The following HOXA3 variants were observed in gnomAD, a reference collection of about 807,000 sequenced individuals.
The protein encoded by HOXA3 is homeobox protein Hox-A3.
In HOXA3, 8 loss-of-function variants were observed where a neutral mutation model predicts 30.3. The observed-to-expected ratio is 0.26, with a 90% CI of 0.15 to 0.48. HOXA3 has a LOEUF of 0.48. HOXA3 is among the 20% of genes least tolerant of loss of function. The pLI, the probability that HOXA3 is intolerant of heterozygous loss-of-function variation, is 0.99. For synonymous variants in HOXA3, 323 were observed against 273.1 expected, an observed-to-expected ratio of 1.18 and a Z score of -1.80; for missense variants, 653 against 614.4, an observed-to-expected ratio of 1.06 and a Z score of -0.66.
At chr7:27,130,351 T>C in intron 2 of HOXA3, 5 of 1,126,364 alleles carry the variant, frequency 4.4e-6, no homozygotes, top group Non-Finnish European at 5.4e-6. Context: ...ATGCAGGCCG[T>C]GCGCTGGGCC....
At chr7:27,130,306 G>C in intron 2 of HOXA3, 1 of 1,085,388 alleles carries the variant, frequency 9.2e-7, no homozygotes, top group Non-Finnish European at 1.1e-6. Flanking sequence ...AGGCTGCAGG[G>C]GCGGCGGCAG....
intron 1 of HOXA3, chr7:27,141,364 C>G (rs1220472859): frequency 6.3e-6 from 1 of 158,288 alleles, no homozygotes; most frequent in Admixed American, 6.2e-5. Context: ...ACCTCTACAA[C>G]AGCATTAATT....
intron 1 of HOXA3, among the ~76,000 whole-genome samples, chr7:27,140,720 C>G (rs1208732277): frequency 6.6e-6 from 1 of 151,904 alleles, no homozygotes; most frequent in East Asian, 1.9e-4. Flanking sequence ...GAGGCAGGAT[C>G]TGTGTGGCCT....
chr7:27,114,453 T>G (rs1014374670), intron 4 of HOXA3, among the ~76,000 whole-genome samples: 6 of 151,286 alleles, frequency 4.0e-5, no homozygotes, highest in African/African-American at 1.5e-4. Context: ...GGTGGGGGTG[T>G]GGGGAGCTGG....
In HOXA3 at chr7:27,152,202, G is replaced by A. The variant is rs190365165; in HGVS notation, c.-494+86C>T. The A allele has an allele frequency of 1.0e-5, 8 of 773,800 alleles. No homozygotes were observed. In the African/African-American group the frequency reaches 1.5e-4, roughly 14 times the overall value. 47.9% of individuals were successfully genotyped at this position (773,800 alleles called of 1,614,324 possible). ...TAAGGGGGAGTATGCCCCTCTTAAAGCCTCCCTGGGTGCCCTCTCCCACCG... is the reference window on the plus strand; with the variant it reads ...TAAGGGGGAGTATGCCCCTCTTAAAACCTCCCTGGGTGCCCTCTCCCACCG... On this transcript the variant is annotated intron_variant, in intron 1 of 5. Transcript: ENST00000612286.
Position 27,108,555 on chromosome 7 carries a change from G to C in HOXA3, c.692C>G (p.Thr231Ser). The change falls in exon 6 of 6, where the codon ACT becomes AGT. Residue 231 changes from threonine (T) to serine (S), a missense_variant. Thr to Ser is a moderately conservative substitution (Grantham distance 58, BLOSUM62 1). This residue lies in a region of HOXA3 where 320 missense variants were observed against 321.9 expected (regional missense o/e 0.99). Coordinates refer to ENST00000612286, the MANE Select transcript of HOXA3 (RefSeq NM_153631.3). This position sits in a 1 kb window ranked among gnomAD's most constrained non-coding sequence, Gnocchi z 5.0. ...GAACCAGATCTTGATCTGGCGCTCA[G>C]TGAGGTTCAGCAGATTGGCCATCTC... ...RVEMANLLNL[T>S]ERQIKIWFQN... 1 of 1,614,174 alleles carries C rather than the reference G, an allele frequency of 6.2e-7. No homozygotes were observed. The highest frequency in any genetic ancestry group is 8.5e-7 in the Non-Finnish European group (1 of 1,180,020).
At chr7:27,131,701 G>T (rs930449313) in intron 2 of HOXA3, among the ~76,000 whole-genome samples, 1 of 152,160 alleles carries the variant, frequency 6.6e-6, no homozygotes, top group East Asian at 1.9e-4. Context: ...ACCGAGCTTT[G>T]AAAACAATAA....
intron 2 of HOXA3, among the ~76,000 whole-genome samples, chr7:27,129,780 G>A (rs371502063): frequency 6.6e-6 from 1 of 152,232 alleles, no homozygotes; most frequent in Non-Finnish European, 1.5e-5. Context: ...GAGCCATAAA[G>A]AATGGTGCTG....
chr7:27,147,711 G>T (rs1457623963), intron 1 of HOXA3: 2 of 1,612,000 alleles, frequency 1.2e-6, no homozygotes, highest in Non-Finnish European at 8.5e-7. Flanking sequence ...CGCTGGGAAG[G>T]CTCCCGGGGA....
intron 3 of HOXA3, among the ~76,000 whole-genome samples, chr7:27,126,452 AAAC>A (rs1323578489): frequency 6.6e-6 from 1 of 152,118 alleles, no homozygotes; most frequent in Non-Finnish European, 1.5e-5. Flanking sequence ...TAAAAAAAAA[AAAC>A]AATTAATGAG....
chr7:27,110,485 G>A lies in HOXA3; in HGVS notation c.156C>T (p.Leu52=). ...GGCCCCCGGCGCTGGAGGGAGACTG[G>A]AGGGAGCAGGCGGGTCGGTGGTACT... ...DGEYHRPACS[L]QSPSSAGGHP... The change falls in exon 5 of 6, where the codon CTC becomes CTT. Residue 52 remains leucine (L), a synonymous_variant. Coordinates refer to ENST00000612286, the MANE Select transcript of HOXA3 (RefSeq NM_153631.3). The A allele has an allele frequency of 6.2e-7, 1 of 1,603,834 alleles. No homozygotes were observed. The highest frequency in any genetic ancestry group is 8.5e-7 in the Non-Finnish European group (1 of 1,173,280).
At chr7:27,149,652 C>T (rs539619244) in intron 1 of HOXA3, among the ~76,000 whole-genome samples, 1 of 152,356 alleles carries the variant, frequency 6.6e-6, no homozygotes, top group Non-Finnish European at 1.5e-5. Context: ...GCATATAAAG[C>T]AGGGCCTCGA....
At chr7:27,115,376 C>T (rs1646909383) in intron 4 of HOXA3, 1 of 152,196 alleles carries the variant, frequency 6.6e-6, no homozygotes, top group African/African-American at 2.4e-5. Context: ...AAAGGGGGAG[C>T]TGGCCGCGTA....
intron 1 of HOXA3, chr7:27,147,098 T>G (rs1216217073): frequency 6.7e-6 from 4 of 600,698 alleles, no homozygotes; most frequent in Non-Finnish European, 8.8e-6. Flanking sequence ...TCAGCTTACA[T>G]GGACACTGGG....
chr7:27,107,994 T>C lies in HOXA3; in HGVS notation c.1253A>G (p.His418Arg). Residue 418 changes from histidine to arginine, a missense_variant, in exon 6 of 6, where the codon CAC becomes CGC. Physicochemically the swap from His to Arg is conservative, Grantham distance 29. This residue lies in a region of HOXA3 where 330 missense variants were observed against 274.4 expected (regional missense o/e 1.20). Transcript: ENST00000612286. ...GCCGGTAAGGTCCGTGTAGGTGGGG[T>C]GCGGCTCCCCAGGCCCCGGCCCGTG... ...HHHGPGPGEP[H>R]PTYTDLTGHH... is the part of the protein sequence containing the mutation. The C allele has an allele frequency of 6.2e-7, 1 of 1,611,160 alleles. No homozygotes were observed. The highest frequency in any genetic ancestry group is 8.5e-7 in the Non-Finnish European group (1 of 1,178,254).
chr7:27,144,750 C>A (rs111906722), intron 1 of HOXA3, among the ~76,000 whole-genome samples: 2 of 152,340 alleles, frequency 1.3e-5, no homozygotes, highest in African/African-American at 4.8e-5. Context: ...TTATTTTCCA[C>A]GGCTCCGAAA....
At chr7:27,116,884 G>A (rs1166571694) in intron 4 of HOXA3, among the ~76,000 whole-genome samples, 2 of 152,214 alleles carry the variant, frequency 1.3e-5, no homozygotes, top group African/African-American at 4.8e-5. Context: ...ACTGGGGAGG[G>A]CAGAAGGGCC....
chr7:27,110,759 A>T lies in HOXA3; in HGVS notation c.-119T>A. 2.7e-6 allele frequency: 4 copies of T among 1,496,556 alleles called. No homozygotes were observed. Among genetic ancestry groups the T allele is most frequent in the Non-Finnish European group, 3.6e-6 (4 of 1,098,066 alleles). 92.7% of individuals were successfully genotyped at this position (1,496,556 alleles called of 1,614,324 possible). ...CGCCGCCAATGGCCGCCCCGCGCAG[A>T]CCTGGTGGGGCGAGAAGCGCAGCGC... is the stretch of plus-strand genomic sequence containing the variant. On this transcript the variant is annotated splice_region_variant and 5_prime_UTR_variant, in exon 5 of 6. Transcript: ENST00000612286.
intron 2 of HOXA3, among the ~76,000 whole-genome samples, chr7:27,130,995 C>G (rs559060909): frequency 1.3e-5 from 2 of 152,230 alleles, no homozygotes; most frequent in East Asian, 1.9e-4. Flanking sequence ...GCGCGCGGAC[C>G]CGGATCAGGA....
Sources: allele counts gnomAD v4.1 joint callset (sites outside exome capture counted in the v4.1 genomes callset), GRCh38; gene constraint gnomAD v4.1.1; regional missense constraint gnomAD v4.1.1; non-coding constraint Gnocchi (gnomAD v3.1); transcripts MANE v1.5; gene names NCBI Gene and HGNC (gene_info 2026-07-23, HGNC 2026-07-21).